ATP5MC2: variants seen among roughly 807,000 people sequenced by gnomAD.
ATP5MC2 encodes the protein ATP synthase membrane subunit c locus 2.
A neutral mutation model predicts 13.5 loss-of-function variants in ATP5MC2; 11 were observed. That is an observed-to-expected ratio of 0.81 (90% CI 0.51 to 1.35). The LOEUF is 1.35. Among genes scored for constraint, ATP5MC2 ranks in the 40% most tolerant of loss-of-function variants. The pLI, the probability that ATP5MC2 is intolerant of heterozygous loss-of-function variation, is 0.00. For missense variants in ATP5MC2, 132 were observed against 175.0 expected (o/e 0.75, Z 1.39); for synonymous variants, 64 against 69.7 (o/e 0.92, Z 0.41).
At chr12:53,666,062 C>A (rs558866875) in intron 4 of ATP5MC2, among the ~76,000 whole-genome samples, 1 of 152,224 alleles carries the variant, frequency 6.6e-6, no homozygotes, top group African/African-American at 2.4e-5. Context: ...AATCCCAGCA[C>A]TTTGGGAGGC....
chr12:53,677,040 C>G (rs1593061699), upstream of ATP5MC2: 1 of 152,250 alleles, frequency 6.6e-6, no homozygotes, highest in Non-Finnish European at 1.5e-5. Flanking sequence ...CGTGCTTGAA[C>G]GCAGCACGAG....
intron 4 of ATP5MC2, among the ~76,000 whole-genome samples, chr12:53,668,139 C>T (rs1310041436): frequency 6.7e-6 from 1 of 150,074 alleles, no homozygotes; most frequent in Non-Finnish European, 1.5e-5. Context: ...CAGGCGCCCA[C>T]CACAACGCCT....
chr12:53,671,471 G>C (rs1055260565), intron 2 of ATP5MC2, among the ~76,000 whole-genome samples: 3 of 152,118 alleles, frequency 2.0e-5, no homozygotes, highest in African/African-American at 7.2e-5. Flanking sequence ...CCATACTGTT[G>C]TTTCTGAGTC....
chr12:53,676,169 A>C (rs528365187), upstream of ATP5MC2: 3 of 1,614,230 alleles, frequency 1.9e-6, no homozygotes, highest in East Asian at 2.2e-5. Flanking sequence ...GAGTGATTGC[A>C]ACATACAGGA....
At chr12:53,676,351 T>C, upstream of ATP5MC2, 3 of 1,093,222 alleles carry the variant, frequency 2.7e-6, no homozygotes, top group African/African-American at 1.6e-5. Flanking sequence ...GTACCGCGTT[T>C]GGGATCTCGG....
chr12:53,670,263 G>A (rs989238897), intron 2 of ATP5MC2: 11 of 381,830 alleles, frequency 2.9e-5, no homozygotes, highest in Non-Finnish European at 4.0e-5. Flanking sequence ...AGCCTCAGAA[G>A]CATTTGCCTC....
At chr12:53,674,300 C>T (rs1945201257) in intron 1 of ATP5MC2, among the ~76,000 whole-genome samples, 1 of 152,186 alleles carries the variant, frequency 6.6e-6, no homozygotes, top group South Asian at 2.1e-4. Flanking sequence ...GCTATGATCA[C>T]GCCAGTTGTC....
At chr12:53,670,048 C>T (rs1475941570) in intron 2 of ATP5MC2, 100 bp from the exon 3 acceptor site, 1 of 1,030,822 alleles carries the variant, frequency 9.7e-7, no homozygotes, top group Non-Finnish European at 1.5e-6. Flanking sequence ...GATTTTCTTT[C>T]CTCTCATGGC....
At chr12:53,670,284 G>A (rs965608870) in intron 2 of ATP5MC2, 3 of 370,206 alleles carry the variant, frequency 8.1e-6, no homozygotes, top group Non-Finnish European at 1.6e-5. Flanking sequence ...ACTCAACAAG[G>A]GAAATATATA....
intron 3 of ATP5MC2, 67 bp downstream of exon 3, chr12:53,669,804 G>T: frequency 6.6e-7 from 1 of 1,522,780 alleles, no homozygotes; most frequent in Non-Finnish European, 9.1e-7. Flanking sequence ...CTACCTCCTG[G>T]TTCTGGCAGG....
At chr12:53,671,877 C>T (rs901724466) in intron 2 of ATP5MC2, among the ~76,000 whole-genome samples, 1 of 151,800 alleles carries the variant, frequency 6.6e-6, no homozygotes, top group Admixed American at 6.6e-5. Flanking sequence ...ACTCGGATCA[C>T]GAGGTCAGGA....
chr12:53,669,350 A>G lies in ATP5MC2; in HGVS notation c.118-9T>C. The G allele has an allele frequency of 6.2e-7, 1 of 1,608,820 alleles. No homozygotes were observed. The highest frequency in any genetic ancestry group is 8.5e-7 in the Non-Finnish European group (1 of 1,176,994). ...GCCAAGCTGCTGAGGCTCTGTGAAA[A>G]AGAGGCAGGTAGAAGGTAAAGTTTT... On this transcript the variant is annotated splice_polypyrimidine_tract_variant and intron_variant, in intron 3 of 4. Transcript: ENST00000394349.
chr12:53,676,107 G>T, upstream of ATP5MC2: 2 of 1,614,260 alleles, frequency 1.2e-6, no homozygotes, highest in Admixed American at 3.3e-5. Flanking sequence ...AGAGCGAAAG[G>T]AAGGCTCAGC....
Position 53,676,080 on chromosome 12 carries a change from G to A in ATP5MC2, c.-59C>T, listed in dbSNP as rs779949065. 1.2e-6 allele frequency: 2 copies of A among 1,614,120 alleles called. No homozygotes were observed. Among genetic ancestry groups the A allele is most frequent in the South Asian group, 1.1e-5 (1 of 91,092 alleles). ...GCTCCCACTGCAGAGAAGACAGAGAGGGGCGGAGCAGCGGGAAGAGCGAAA... is the reference window on the plus strand; with the variant it reads ...GCTCCCACTGCAGAGAAGACAGAGAAGGGCGGAGCAGCGGGAAGAGCGAAA... On this transcript the variant is annotated 5_prime_UTR_variant, in exon 1 of 5. Coordinates refer to ENST00000394349, the MANE Select transcript of ATP5MC2 (RefSeq NM_005176.7).
chr12:53,674,747 C>T (rs1001071670), intron 1 of ATP5MC2, among the ~76,000 whole-genome samples: 4 of 152,218 alleles, frequency 2.6e-5, no homozygotes, highest in Non-Finnish European at 5.9e-5. Context: ...CACACCCAGC[C>T]TTAATTACTT....
chr12:53,676,092 C>A, upstream of ATP5MC2: 1 of 1,614,248 alleles, frequency 6.2e-7, no homozygotes. Flanking sequence ...GGCGGAGCAG[C>A]GGGAAGAGCG....
intron 2 of ATP5MC2, among the ~76,000 whole-genome samples, chr12:53,670,608 G>C (rs1039829449): frequency 6.6e-6 from 1 of 151,736 alleles, no homozygotes. Flanking sequence ...TCGAAGTATG[G>C]TTTCTTTCTT....
At chr12:53,665,486 A>G (rs1388511457) in intron 4 of ATP5MC2, 58 bp from the exon 5 acceptor site, 1 of 1,348,276 alleles carries the variant, frequency 7.4e-7, no homozygotes, top group Non-Finnish European at 1.1e-6. Flanking sequence ...AAAAGGATAA[A>G]TATCTAAGAT....
At chr12:53,671,621 T>C (rs2138034436) in intron 2 of ATP5MC2, among the ~76,000 whole-genome samples, 1 of 152,352 alleles carries the variant, frequency 6.6e-6, no homozygotes, top group East Asian at 1.9e-4. Flanking sequence ...TGTAATCTAC[T>C]TATATTTACC....
Sources: gnomAD v4.1 joint callset for allele counts (sites outside exome capture counted in the v4.1 genomes callset) on GRCh38, gnomAD v4.1.1 for gene constraint, MANE v1.5 for transcripts, NCBI Gene and HGNC (gene_info 2026-07-23, HGNC 2026-07-21) for gene names.